The following TMEM74 variants were observed in gnomAD, a reference collection of about 807,000 sequenced individuals.
TMEM74 encodes the protein transmembrane protein 74.
A neutral mutation model predicts 18.1 loss-of-function variants in TMEM74; 13 were observed. That is an observed-to-expected ratio of 0.72 (90% CI 0.47 to 1.14). TMEM74 has a LOEUF of 1.14. Among genes scored for constraint, TMEM74 ranks in the 50% most tolerant of loss-of-function variants. The pLI is 0.00. For synonymous variants in TMEM74, 159 were observed against 146.6 expected, an observed-to-expected ratio of 1.08 and a Z score of -0.61; for missense variants, 372 against 375.9, an observed-to-expected ratio of 0.99 and a Z score of 0.09.
chr8:108,718,481 C>T (rs1391455143), intron 1 of TMEM74, among the ~76,000 whole-genome samples: 4 of 152,112 alleles, frequency 2.6e-5, no homozygotes, highest in Non-Finnish European at 5.9e-5. Flanking sequence ...AGCAGAAAGC[C>T]AGCAGCTGGC....
At chr8:108,616,329 G>A (rs1476524040) in intron 2 of TMEM74, among the ~76,000 whole-genome samples, 1 of 152,182 alleles carries the variant, frequency 6.6e-6, no homozygotes, top group Non-Finnish European at 1.5e-5. Flanking sequence ...ATAAAGAACA[G>A]TAAAAGTAAC....
chr8:108,643,397 C>T (rs1005500847), intron 2 of TMEM74, among the ~76,000 whole-genome samples: 2 of 152,142 alleles, frequency 1.3e-5, no homozygotes, highest in African/African-American at 2.4e-5. Flanking sequence ...CTCATTATTT[C>T]ACTTATAACT....
At chr8:108,665,480 C>A (rs1812940991) in intron 1 of TMEM74, among the ~76,000 whole-genome samples, 1 of 152,024 alleles carries the variant, frequency 6.6e-6, no homozygotes, top group African/African-American at 2.4e-5. Context: ...CTAAAAAATG[C>A]AAGGAAGGTT....
intron 1 of TMEM74, among the ~76,000 whole-genome samples, chr8:108,721,941 A>G (rs1035081594): frequency 2.0e-5 from 3 of 152,178 alleles, no homozygotes; most frequent in Non-Finnish European, 4.4e-5. Flanking sequence ...TTCACTCAGC[A>G]TAATTATTTT....
chr8:108,668,601 C>A (rs1497631), intron 1 of TMEM74, among the ~76,000 whole-genome samples: 1 of 151,816 alleles, frequency 6.6e-6, no homozygotes, highest in Non-Finnish European at 1.5e-5. Flanking sequence ...GCTGAGCACA[C>A]TTCAGTGACT....
Position 108,713,795 on chromosome 8 carries a change from C to G in TMEM74, n.120-58358G>C, listed in dbSNP as rs192387048. Among the ~76,000 whole-genome samples the G allele has an allele frequency of 3.4e-3, 521 of 152,292 alleles. 10 individuals carry two copies. Among genetic ancestry groups the G allele is most frequent in the East Asian group, 3.7e-3 (19 of 5,186 alleles). On this transcript the variant is annotated intron_variant and non_coding_transcript_variant, in intron 1 of 3. Transcript: ENST00000518838. ...AGTTGCAGGACAAGCCATCTGCAAG[C>G]TGGAGACCCTGCAATGCTGAAAACA...
intron 2 of TMEM74, among the ~76,000 whole-genome samples, chr8:108,621,905 T>C (rs1812444057): frequency 6.6e-6 from 1 of 152,110 alleles, no homozygotes; most frequent in Admixed American, 6.6e-5. Flanking sequence ...AAATAAGCAC[T>C]CAAGCACTCC....
intron 1 of TMEM74, among the ~76,000 whole-genome samples, chr8:108,763,256 T>A (rs1244436451): frequency 1.3e-5 from 2 of 151,792 alleles, no homozygotes; most frequent in South Asian, 4.2e-4. Context: ...AAAGTAGATG[T>A]TGTGAGTCAG....
intron 1 of TMEM74, among the ~76,000 whole-genome samples, chr8:108,674,425 A>G (rs58731716): frequency 0.25 from 37,328 of 152,092 alleles, 4,788 homozygotes; most frequent in South Asian, 0.32. Context: ...ATCAGCCATC[A>G]CCTTGCTTCC....
chr8:108,731,016 T>C (rs1204102646), intron 1 of TMEM74, among the ~76,000 whole-genome samples: 1 of 152,186 alleles, frequency 6.6e-6, no homozygotes, highest in Non-Finnish European at 1.5e-5. Context: ...TTTTACAACA[T>C]ACAAATTTCT....
At chr8:108,742,766 GAA>G (rs3047892) in intron 1 of TMEM74, among the ~76,000 whole-genome samples, 55,892 of 151,884 alleles carry the variant, frequency 0.37, 10,468 homozygotes, top group Middle Eastern at 0.44. Context: ...GGCTCTCTGA[GAA>G]AGCCTGGATT....
intron 1 of TMEM74, among the ~76,000 whole-genome samples, chr8:108,761,633 A>G (rs1007955889): frequency 7.9e-5 from 12 of 152,098 alleles, no homozygotes; most frequent in African/African-American, 2.9e-4. Flanking sequence ...GAGAAGCCAC[A>G]GGCAAAAATA....
intron 1 of TMEM74, among the ~76,000 whole-genome samples, chr8:108,747,171 T>G (rs1384463752): frequency 6.6e-6 from 1 of 152,120 alleles, no homozygotes; most frequent in Non-Finnish European, 1.5e-5. Context: ...TGATGCTATC[T>G]CTAGTTAGAT....
intron 1 of TMEM74, among the ~76,000 whole-genome samples, chr8:108,746,098 G>C (rs1813845942): frequency 6.6e-6 from 1 of 152,098 alleles, no homozygotes. Context: ...TTAACTCCCT[G>C]TCTGAGGAGT....
At chr8:108,633,283 T>C (rs1484448364) in intron 2 of TMEM74, among the ~76,000 whole-genome samples, 1 of 152,030 alleles carries the variant, frequency 6.6e-6, no homozygotes, top group Admixed American at 6.6e-5. Flanking sequence ...GTGATAATAC[T>C]AAGTTTTGAA....
chr8:108,739,845 G>A (rs1034454435), intron 1 of TMEM74, among the ~76,000 whole-genome samples: 1 of 152,054 alleles, frequency 6.6e-6, no homozygotes, highest in Non-Finnish European at 1.5e-5. Flanking sequence ...ACCAGGTCAT[G>A]GGGGCAACGA....
At position 108,648,579 on chromosome 8, in the gene TMEM74, C is replaced by T. The variant is rs956911438; in HGVS notation, n.264+6714G>A. ...ATCATCTTGGTGCGTTTATTATAATCACAAGGGAGACAGGAGACTCAGAGT... is the reference window on the plus strand; with the variant it reads ...ATCATCTTGGTGCGTTTATTATAATTACAAGGGAGACAGGAGACTCAGAGT... On this transcript the variant is annotated intron_variant and non_coding_transcript_variant, in intron 2 of 3. Transcript: ENST00000518838. Among the ~76,000 whole-genome samples, 7 of 152,160 alleles carry T rather than the reference C, an allele frequency of 4.6e-5. No homozygotes were observed. The East Asian group carries it at 1.4e-3, about 29-fold the overall frequency.
chr8:108,749,739 G>A (rs747314645), intron 1 of TMEM74, among the ~76,000 whole-genome samples: 2 of 152,076 alleles, frequency 1.3e-5, no homozygotes, highest in Non-Finnish European at 2.9e-5. Context: ...GTTTTCAAGA[G>A]GAATGAGAAG....
chr8:108,636,092 TC>T (rs1812604033), intron 2 of TMEM74, among the ~76,000 whole-genome samples: 1 of 152,110 alleles, frequency 6.6e-6, no homozygotes, highest in Non-Finnish European at 1.5e-5. Context: ...AAGTAGCTCC[TC>T]CCCACTCTGT....
Sources: allele counts gnomAD v4.1 joint callset (sites outside exome capture counted in the v4.1 genomes callset), GRCh38; gene constraint gnomAD v4.1.1; transcripts MANE v1.5; gene names NCBI Gene and HGNC (gene_info 2026-07-23, HGNC 2026-07-21).